ALDH16A1: variants seen among roughly 807,000 people sequenced by gnomAD.
ALDH16A1 encodes aldehyde dehydrogenase family 16 member A1.
A neutral mutation model predicts 96.1 loss-of-function variants in ALDH16A1; 88 were observed. The observed-to-expected ratio is 0.92, with a 90% CI of 0.77 to 1.09. The LOEUF (loss-of-function observed/expected upper bound fraction) is 1.09. Among genes scored for constraint, ALDH16A1 ranks in the 50% least tolerant of loss-of-function variants. The probability of loss-of-function intolerance (pLI) is 0.00; values close to 1 mark genes in which losing one functional copy is unlikely to be tolerated. For missense variants in ALDH16A1, 1,250 were observed against 1,112.6 expected (o/e 1.12, Z -1.76); for synonymous variants, 522 against 496.4 (o/e 1.05, Z -0.69).
chr19:49,461,783 T>C lies in ALDH16A1; in HGVS notation c.742T>C (p.Phe248Leu). The part of the protein sequence containing the change: ...ASQPGIRKVA[F>L]CGAPEEGRAL... Reference sequence around the variant, plus strand: ...CCAGCCTGGAATCCGGAAGGTGGCCTTCTGCGGAGCCCCGGAGGTACCTTC... The same window carrying C: ...CCAGCCTGGAATCCGGAAGGTGGCCCTCTGCGGAGCCCCGGAGGTACCTTC... The change falls in exon 6 of 17, where the codon TTC (phenylalanine) becomes CTC (leucine). Residue 248 changes from phenylalanine to leucine, a missense_variant. Physicochemically the swap from Phe to Leu is conservative, Grantham distance 22 (BLOSUM62 0). Transcript: ENST00000293350. The C allele has an allele frequency of 6.2e-7, 1 of 1,611,228 alleles. No homozygotes were observed. The highest frequency in any genetic ancestry group is 1.1e-5 in the South Asian group (1 of 90,692).
rs140656618 is a variant in ALDH16A1 at position 49,462,691 on chromosome 19, G to A, written c.1034G>A (p.Arg345Gln). The change falls in exon 8 of 17, where the codon CGG becomes CAG. Residue 345 changes from arginine to glutamine, a missense_variant. Physicochemically the swap from Arg to Gln is conservative, Grantham distance 43. Transcript: ENST00000293350. ...GLDGAVDMGA[R>Q]GAAACDLVQR... ...GATGGGGCCGTGGACATGGGGGCCC[G>A]GGGGGCTGCCGCATGTGACCTGGTC... 5.0e-5 allele frequency: 80 copies of A among 1,607,354 alleles called. No homozygotes were observed. Among genetic ancestry groups the A allele is most frequent in the Middle Eastern group, 2.2e-4 (1 of 4,594 alleles).
chr19:49,454,504 C>T (rs1236192666), intron 1 of ALDH16A1, among the ~76,000 whole-genome samples: 1 of 151,990 alleles, frequency 6.6e-6, no homozygotes, highest in East Asian at 1.9e-4. Flanking sequence ...CTCCCATGAC[C>T]CCTCAGAGGC....
Position 49,463,897 on chromosome 19 carries a change from C to A in ALDH16A1, c.1142C>A (p.Pro381His), listed in dbSNP as rs774620011. ...GTGCCTTCGGAACGCCCATTCTATC[C>A]CCCAACCTTGGTCTCCAACCTGCCC... is the stretch of plus-strand genomic sequence containing the variant. ...GDVPSERPFYPPTLVSNLPPA... is the reference protein window; with the variant it reads ...GDVPSERPFYHPTLVSNLPPA... The change falls in exon 9 of 17, where the codon CCC becomes CAC. Residue 381 changes from proline (P) to histidine (H), a missense_variant. Coordinates refer to ENST00000293350, the MANE Select transcript of ALDH16A1 (RefSeq NM_153329.4). The A allele has an allele frequency of 6.2e-7, 1 of 1,613,468 alleles. No homozygotes were observed. The highest frequency in any genetic ancestry group is 1.7e-5 in the Admixed American group (1 of 59,932).
rs74174285 is a variant in ALDH16A1 at position 49,461,232 on chromosome 19, G to A, written c.577+333G>A. ...GGAGGGGCTGGGGTCTGGACTCCTG[G>A]GTGTGAGGGAGGAGGGGCTGGGGTC... On this transcript the variant is annotated intron_variant, in intron 5 of 16. Coordinates refer to ENST00000293350, the MANE Select transcript of ALDH16A1 (RefSeq NM_153329.4). 1.8e-3 allele frequency among the ~76,000 whole-genome samples: 84 copies of A among 47,958 alleles called. 6 individuals are homozygous for A. The highest frequency in any genetic ancestry group is 2.3e-3 in the Non-Finnish European group (45 of 19,902). 31.5% of individuals were successfully genotyped at this position (47,958 alleles called of 152,430 possible).
At chr19:49,458,815 C>T in intron 2 of ALDH16A1, 145 bp from the exon 3 acceptor site, 1 of 1,252,240 alleles carries the variant, frequency 8.0e-7, no homozygotes, top group Non-Finnish European at 1.1e-6. Flanking sequence ...CTTCCTTGCC[C>T]TGGAGGTGAT....
chr19:49,466,342 G>A (rs2079198912), intron 14 of ALDH16A1, 59 bp downstream of exon 14: 2 of 1,406,302 alleles, frequency 1.4e-6, no homozygotes, highest in African/African-American at 2.9e-5. Flanking sequence ...TCAGACCAGA[G>A]GCTGTGAGAT....
chr19:49,464,251 A>T lies in ALDH16A1; in HGVS notation c.1319A>T (p.Glu440Val). 3 of 1,602,470 alleles carry T rather than the reference A, an allele frequency of 1.9e-6. No homozygotes were observed. The highest frequency in any genetic ancestry group is 2.5e-6 in the Non-Finnish European group (3 of 1,179,364). Residue 440 changes from glutamate to valine, a missense_variant, in exon 10 of 17, where the codon GAG becomes GTG. Glu to Val is a moderately radical substitution (Grantham distance 121, BLOSUM62 -2). Coordinates refer to ENST00000293350, the MANE Select transcript of ALDH16A1 (RefSeq NM_153329.4). ...VWSERLGQAL[E>V]LGYGLQVGTV... ...AGCGAGAGGCTGGGGCAGGCGCTGG[A>T]GCTGGGCTATGGGTCAGTCTGCGTG...
Position 49,459,158 on chromosome 19 carries a change from G to C in ALDH16A1, c.320+72G>C, listed in dbSNP as rs2079123254. On this transcript the variant is annotated intron_variant, in intron 3 of 16. Coordinates refer to ENST00000293350, the MANE Select transcript of ALDH16A1 (RefSeq NM_153329.4). This position sits in a 1 kb window ranked among gnomAD's most constrained non-coding sequence, Gnocchi z 4.1. ...TCCACTCGAGACCATGGGAACAAAG[G>C]CTATTTCCCAAGATCCCACTGAATT... The C allele has an allele frequency of 1.2e-5, 19 of 1,547,732 alleles. No homozygotes were observed. The South Asian group carries it at 2.1e-4, about 17-fold the overall frequency.
At chr19:49,461,092 T>A (rs2079138016) in intron 5 of ALDH16A1, among the ~76,000 whole-genome samples, 193 bp downstream of exon 5, 1 of 145,094 alleles carries the variant, frequency 6.9e-6, no homozygotes, top group South Asian at 2.2e-4. Flanking sequence ...CTCCTGAGTC[T>A]GAGGGAGGAG....
At chr19:49,466,697 A>G (rs573198327) in intron 14 of ALDH16A1, among the ~76,000 whole-genome samples, 2 of 151,930 alleles carry the variant, frequency 1.3e-5, no homozygotes, top group African/African-American at 2.4e-5. Flanking sequence ...GGTCTCTACT[A>G]AAAATACAAA....
chr19:49,454,033 T>TTTTTTTG (rs1555798669), intron 1 of ALDH16A1, among the ~76,000 whole-genome samples: 4 of 147,386 alleles, frequency 2.7e-5, no homozygotes, highest in Non-Finnish European at 6.0e-5. Context: ...TTTTTTTTGT[T>TTTTTTTG]TTTTTTTTTG....
chr19:49,461,618 G>A lies in ALDH16A1; in HGVS notation c.578-1G>A. On this transcript the variant is annotated splice_acceptor_variant, in intron 5 of 16. Coordinates refer to ENST00000293350, the MANE Select transcript of ALDH16A1 (RefSeq NM_153329.4). LOFTEE classifies it high-confidence loss of function. Reference sequence around the variant, plus strand: ...GCCTTTGAGCTGCCCCACTTCCCCAGGCTGCACCGTGGTGGCCCTCGTGCC... The same window carrying A: ...GCCTTTGAGCTGCCCCACTTCCCCAAGCTGCACCGTGGTGGCCCTCGTGCC... The A allele has an allele frequency of 6.3e-7, 1 of 1,580,582 alleles. No individual in the cohort carries two copies. Among genetic ancestry groups the A allele is most frequent in the Non-Finnish European group, 8.6e-7 (1 of 1,165,066 alleles).
intron 13 of ALDH16A1, 83 bp from the exon 14 acceptor site, chr19:49,465,999 G>T: frequency 6.5e-7 from 1 of 1,541,792 alleles, no homozygotes; most frequent in Non-Finnish European, 8.8e-7. Context: ...TGGGCCCCCA[G>T]GGTAGGGGCT....
At position 49,470,240 on chromosome 19, in the gene ALDH16A1, C is replaced by T. The variant is rs1032063307; in HGVS notation, c.2248-66C>T. 37 of 1,579,750 alleles carry T rather than the reference C, an allele frequency of 2.3e-5. 1 individual carries two copies. Among genetic ancestry groups the T allele is most frequent in the African/African-American group, 5.4e-5 (4 of 73,906 alleles). ...CCCTCGTCAGTAACAGTCTTCATCG[C>T]GGAGGAAGCAGGTGCTCAGCAACAA... On this transcript the variant is annotated intron_variant, in intron 16 of 16. Coordinates refer to ENST00000293350, the MANE Select transcript of ALDH16A1 (RefSeq NM_153329.4).
chr19:49,462,430 C>T lies in ALDH16A1; in HGVS notation c.913-140C>T, dbSNP rs76766578. On this transcript the variant is annotated intron_variant, in intron 7 of 16. Coordinates refer to ENST00000293350, the MANE Select transcript of ALDH16A1 (RefSeq NM_153329.4). ...GACTGCAGGTGTGAGCCACCGCATC[C>T]GGCCTCTCTGTTCTTTAGGACTCTG... 3.0e-4 allele frequency: 340 copies of T among 1,124,180 alleles called. 2 individuals carry two copies. In the African/African-American group the frequency reaches 4.4e-3, roughly 15 times the overall value. The allele number at this position is 1,124,180 out of a possible 1,614,324, so 69.6% of individuals were successfully genotyped here.
rs943332705 is a variant in ALDH16A1 at position 49,453,343 on chromosome 19, G to A, written c.12G>A (p.Thr4=). Residue 4 remains threonine (T), a synonymous_variant, in exon 1 of 17, where the codon ACG becomes ACA. Transcript: ENST00000293350. ...GTTCGGGGTAGGCGATGGCTGCGAC[G>A]CGTGCAGGGCCCCGCGCCCGCGAGA... MAA[T]RAGPRAREIF... is the part of the protein sequence containing the mutation. 1.3e-6 allele frequency: 2 copies of A among 1,551,916 alleles called. No homozygotes were observed. Among genetic ancestry groups the A allele is most frequent in the Non-Finnish European group, 1.7e-6 (2 of 1,150,634 alleles).
intron 1 of ALDH16A1, among the ~76,000 whole-genome samples, 175 bp from the exon 2 acceptor site, chr19:49,458,311 T>C (rs2079117089): frequency 6.6e-6 from 1 of 152,202 alleles, no homozygotes; most frequent in South Asian, 2.1e-4. Flanking sequence ...TGCTGAACTA[T>C]ACACTTTGAA....
rs1015741017 is a variant in ALDH16A1 at position 49,459,368 on chromosome 19, G to A, written c.320+282G>A. Among the ~76,000 whole-genome samples, 9 of 152,186 alleles carry A rather than the reference G, an allele frequency of 5.9e-5. No individual in the cohort carries two copies. The highest frequency in any genetic ancestry group is 2.0e-4 in the Admixed American group (3 of 15,272). On this transcript the variant is annotated intron_variant, in intron 3 of 16. Transcript: ENST00000293350. The surrounding 1 kb of genome is among the most constrained non-coding windows in gnomAD (Gnocchi z 4.1). ...AAGCCCCTAAATCCATTTCCTAGCC[G>A]CTTGCGGGGAAGCTAGAGACAAAAA...
chr19:49,464,799 C>T (rs1332977305), intron 12 of ALDH16A1, 37 bp downstream of exon 12: 16 of 1,611,596 alleles, frequency 9.9e-6, no homozygotes, highest in Non-Finnish European at 1.3e-5. Context: ...GGAGTGTGAA[C>T]GGGGAGAGGG....
Sources: gnomAD v4.1 joint callset for allele counts (sites outside exome capture counted in the v4.1 genomes callset) on GRCh38, gnomAD v4.1.1 for gene constraint, Gnocchi (gnomAD v3.1) non-coding constraint, MANE v1.5 for transcripts, NCBI Gene and HGNC (gene_info 2026-07-23, HGNC 2026-07-21) for gene names.